TRDN: variants seen among roughly 807,000 people sequenced by gnomAD.
The protein encoded by TRDN is triadin, also known as triadin in skeletal muscle.
A neutral mutation model predicts 149.7 loss-of-function variants in TRDN; 161 were observed. The observed-to-expected ratio is 1.08, with a 90% CI of 0.95 to 1.23. The LOEUF is 1.23. Among genes scored for constraint, TRDN ranks in the 50% most tolerant of loss-of-function variants. The probability of loss-of-function intolerance (pLI) is 0.00; values close to 1 mark genes in which losing one functional copy is unlikely to be tolerated. For synonymous variants in TRDN, 294 were observed against 250.5 expected, an observed-to-expected ratio of 1.17 and a Z score of -1.64; for missense variants, 896 against 823.5, an observed-to-expected ratio of 1.09 and a Z score of -1.08.
intron 2 of TRDN, among the ~76,000 whole-genome samples, chr6:123,556,637 C>T (rs948782751): frequency 8.0e-5 from 12 of 150,352 alleles, no homozygotes; most frequent in African/African-American, 2.9e-4. Context: ...ATTCCTCTTC[C>T]TCTTCTTCTT....
chr6:123,451,458 G>C (rs1052485955), intron 10 of TRDN, among the ~76,000 whole-genome samples: 3 of 152,162 alleles, frequency 2.0e-5, no homozygotes, highest in East Asian at 3.9e-4. Flanking sequence ...GATCACTCAA[G>C]GCTATTATGA....
chr6:123,591,481 G>A (rs139039632), intron 1 of TRDN, among the ~76,000 whole-genome samples: 1,835 of 152,168 alleles, frequency 0.012, 16 homozygotes, highest in African/African-American at 0.026. Flanking sequence ...CCTGACCTCA[G>A]ATGATCCACC....
At chr6:123,322,391 C>A (rs964296321) in intron 23 of TRDN, among the ~76,000 whole-genome samples, 1 of 152,032 alleles carries the variant, frequency 6.6e-6, no homozygotes, top group African/African-American at 2.4e-5. Flanking sequence ...TGAAACTCTC[C>A]AAATTTCCAT....
intron 9 of TRDN, among the ~76,000 whole-genome samples, chr6:123,485,709 T>C (rs1777943128): frequency 6.6e-6 from 1 of 152,172 alleles, no homozygotes; most frequent in Non-Finnish European, 1.5e-5. Context: ...TGTATGTATA[T>C]GCTCATTGCT....
chr6:123,233,589 A>C (rs1048772436), intron 38 of TRDN, among the ~76,000 whole-genome samples: 1 of 152,108 alleles, frequency 6.6e-6, no homozygotes, highest in African/African-American at 2.4e-5. Flanking sequence ...AATAATGAAC[A>C]GTGACAAACG....
chr6:123,241,160 T>C (rs964626937), intron 38 of TRDN, among the ~76,000 whole-genome samples: 3 of 151,612 alleles, frequency 2.0e-5, no homozygotes, highest in Non-Finnish European at 1.5e-5. Flanking sequence ...GACATACTTA[T>C]TGGGAAATTC....
chr6:123,427,969 T>C (rs1774193140), intron 12 of TRDN, among the ~76,000 whole-genome samples: 1 of 152,148 alleles, frequency 6.6e-6, no homozygotes, highest in Non-Finnish European at 1.5e-5. Context: ...ATCCCCTCCA[T>C]AGATGACACT....
At chr6:123,446,401 A>T (rs1227073299) in intron 10 of TRDN, among the ~76,000 whole-genome samples, 1 of 151,862 alleles carries the variant, frequency 6.6e-6, no homozygotes, top group Non-Finnish European at 1.5e-5. Context: ...AAAGAAAATA[A>T]ATAAATAAAT....
Position 123,505,572 on chromosome 6 carries a change from C to A in TRDN, c.611-1671G>T, listed in dbSNP as rs1473811625. Among the ~76,000 whole-genome samples the A allele has an allele frequency of 2.0e-5, 3 of 152,002 alleles. No homozygotes were observed. The South Asian group carries it at 6.2e-4, about 31-fold the overall frequency. ...TTTGGCAACAATAAGCTAACCTGGT[C>A]ATTTAGCTTGGACTTTCTCAAAGCT... On this transcript the variant is annotated intron_variant, in intron 7 of 40. Transcript: ENST00000334268.
intron 7 of TRDN, among the ~76,000 whole-genome samples, chr6:123,511,603 G>C (rs755368462): frequency 1.3e-5 from 2 of 151,950 alleles, no homozygotes; most frequent in Admixed American, 6.6e-5. Context: ...TATTGCTGTG[G>C]TAACAAATTA....
chr6:123,370,943 A>G (rs1363228962), intron 19 of TRDN, among the ~76,000 whole-genome samples: 6 of 135,516 alleles, frequency 4.4e-5, no homozygotes, highest in African/African-American at 8.4e-5. Context: ...GGAGTTGTTC[A>G]TCTATTTTTT....
rs758016053 is a variant in TRDN at position 123,366,099 on chromosome 6, A to G, written c.1321+36T>C. On this transcript the variant is annotated intron_variant, in intron 20 of 40. Coordinates refer to ENST00000334268, the MANE Select transcript of TRDN (RefSeq NM_006073.4). ...TTAGAAACCTTAGCAGAAATAACTT[A>G]TAGTTATGACATCTTTATCTTTAAG... The G allele has an allele frequency of 2.6e-6, 4 of 1,547,654 alleles. No homozygotes were observed. In the African/African-American group the frequency reaches 5.4e-5, roughly 21 times the overall value.
At chr6:123,277,536 C>T (rs1447382636) in intron 26 of TRDN, among the ~76,000 whole-genome samples, 2 of 152,080 alleles carry the variant, frequency 1.3e-5, no homozygotes, top group Admixed American at 1.3e-4. Context: ...TCCAATATGA[C>T]TGGTGTACTT....
chr6:123,540,051 G>C (rs1583211733), intron 4 of TRDN, among the ~76,000 whole-genome samples: 1 of 152,184 alleles, frequency 6.6e-6, no homozygotes, highest in East Asian at 1.9e-4. Context: ...ATTCCTGCTA[G>C]AATCCAGTAT....
At chr6:123,520,184 A>G (rs1273769929) in intron 5 of TRDN, among the ~76,000 whole-genome samples, 1 of 152,162 alleles carries the variant, frequency 6.6e-6, no homozygotes, top group Non-Finnish European at 1.5e-5. Context: ...GAAAATCATG[A>G]ACTTAATAGA....
chr6:123,253,539 G>A (rs1776452774), intron 37 of TRDN, among the ~76,000 whole-genome samples: 1 of 152,012 alleles, frequency 6.6e-6, no homozygotes, highest in African/African-American at 2.4e-5. Flanking sequence ...AGACTAACAT[G>A]TTATTATTTT....
intron 24 of TRDN, among the ~76,000 whole-genome samples, chr6:123,308,630 T>C (rs551107866): frequency 3.7e-4 from 57 of 152,160 alleles, no homozygotes; most frequent in African/African-American, 1.3e-3. Context: ...AAAATCTCTA[T>C]GTAGAGTCTC....
intron 21 of TRDN, chr6:123,351,695 A>G (rs1203747626): frequency 2.1e-5 from 20 of 938,842 alleles, no homozygotes; most frequent in Non-Finnish European, 2.5e-5. Context: ...AACTTCTGAT[A>G]TTAGGATTTC....
intron 8 of TRDN, chr6:123,498,644 C>G: frequency 2.1e-6 from 1 of 470,196 alleles, no homozygotes; most frequent in Non-Finnish European, 4.4e-6. Context: ...GACCTGGGAA[C>G]CCTATGATTG....
Sources: gnomAD v4.1 joint callset for allele counts (sites outside exome capture counted in the v4.1 genomes callset) on GRCh38, gnomAD v4.1.1 for gene constraint, MANE v1.5 for transcripts, NCBI Gene and HGNC (gene_info 2026-07-23, HGNC 2026-07-21) for gene names.